Variants in ACADL observed in about 807,000 individuals in gnomAD.
The protein encoded by ACADL is long-chain specific acyl-CoA dehydrogenase, mitochondrial.
Under a neutral mutation model 56.9 loss-of-function variants are expected in ACADL, and 60 were observed. The observed-to-expected ratio is 1.05, with a 90% CI of 0.86 to 1.31. The LOEUF is 1.31. Among genes scored for constraint, ACADL ranks in the 50% most tolerant of loss-of-function variants. ACADL has a pLI of 0.00. For missense variants in ACADL, 484 were observed against 525.5 expected, an observed-to-expected ratio of 0.92 and a Z score of 0.77; for synonymous variants, 158 against 179.7, an observed-to-expected ratio of 0.88 and a Z score of 0.97.
At chr2:210,225,080 C>G in intron 1 of ACADL, 107 bp downstream of exon 1, 3 of 1,513,014 alleles carry the variant, frequency 2.0e-6, no homozygotes, top group Middle Eastern at 2.3e-4. Flanking sequence ...GGGAGCACTC[C>G]CAGCCGCGCG....
In ACADL at chr2:210,221,428, T is replaced by C. The variant is rs932299956; in HGVS notation, c.78-626A>G. The stretch of plus-strand genomic sequence containing the variant: ...TGAGACAGTTTTGTAGCTCCTTTAG[T>C]TCAGTGGTCTTCAGCCTTTTTTACC... On this transcript the variant is annotated intron_variant, in intron 1 of 10. Transcript: ENST00000233710. 1.3e-5 allele frequency among the ~76,000 whole-genome samples: 2 copies of C among 152,180 alleles called. 1 individual carries two copies. Among genetic ancestry groups the C allele is most frequent in the South Asian group, 4.1e-4 (2 of 4,832 alleles).
intron 8 of ACADL, among the ~76,000 whole-genome samples, chr2:210,199,247 T>C (rs1004658977): frequency 6.6e-6 from 1 of 152,140 alleles, no homozygotes; most frequent in African/African-American, 2.4e-5. Flanking sequence ...AATATATTTA[T>C]TTAGATAAAA....
At chr2:210,190,151 T>A (rs780337247) in intron 10 of ACADL, among the ~76,000 whole-genome samples, 12 of 152,162 alleles carry the variant, frequency 7.9e-5, no homozygotes, top group Non-Finnish European at 1.8e-4. Flanking sequence ...TTCTCCATAT[T>A]CATCAGGGTT....
At chr2:210,213,151 A>C (rs868476696) in intron 4 of ACADL, among the ~76,000 whole-genome samples, 4 of 152,334 alleles carry the variant, frequency 2.6e-5, no homozygotes, top group Non-Finnish European at 5.9e-5. Context: ...CATATTTTTC[A>C]TCATAAGTAT....
chr2:210,202,162 G>T (rs1484393741), intron 8 of ACADL, among the ~76,000 whole-genome samples: 3 of 152,050 alleles, frequency 2.0e-5, no homozygotes, highest in Non-Finnish European at 2.9e-5. Flanking sequence ...GTGCGATCTT[G>T]GCTCACTGCA....
Position 210,195,246 on chromosome 2 carries a change from A to T in ACADL, c.1077T>A (p.Arg359=). 1 of 1,613,840 alleles carries T rather than the reference A, an allele frequency of 6.2e-7. No individual in the cohort carries two copies. The highest frequency in any genetic ancestry group is 8.5e-7 in the Non-Finnish European group (1 of 1,179,890). Residue 359 remains arginine (R), a synonymous_variant, in exon 9 of 11, where the codon CGT becomes CGA. Coordinates refer to ENST00000233710, the MANE Select transcript of ACADL (RefSeq NM_001608.4). ...DNCLQLHEAK[R]LDSATACMAK... is the part of the protein sequence containing the mutation. The stretch of plus-strand genomic sequence containing the variant: ...CCATGCAAGCAGTGGCGGAGTCCAA[A>T]CGTTTCGCTTCATGCAGCTGGAGAC...
At chr2:210,218,834 C>A (rs1375529176) in intron 2 of ACADL, among the ~76,000 whole-genome samples, 1 of 152,136 alleles carries the variant, frequency 6.6e-6, no homozygotes, top group Non-Finnish European at 1.5e-5. Flanking sequence ...AAGTAGGGAA[C>A]CTCATTACAG....
intron 10 of ACADL, among the ~76,000 whole-genome samples, chr2:210,189,907 A>G (rs938505151): frequency 6.6e-6 from 1 of 152,206 alleles, no homozygotes; most frequent in African/African-American, 2.4e-5. Flanking sequence ...TGGAATGAGG[A>G]TGTAGGTATT....
At chr2:210,214,314 A>G (rs1689037407) in intron 4 of ACADL, among the ~76,000 whole-genome samples, 1 of 152,058 alleles carries the variant, frequency 6.6e-6, no homozygotes, top group Admixed American at 6.5e-5. Flanking sequence ...ATTTCATGCC[A>G]TAATTCCGTA....
chr2:210,212,150 A>T (rs1315645586), intron 4 of ACADL, among the ~76,000 whole-genome samples: 11 of 149,670 alleles, frequency 7.3e-5, no homozygotes, highest in East Asian at 3.9e-4. Context: ...TTTTTTTTTT[A>T]AATCACTCTC....
intron 5 of ACADL, among the ~76,000 whole-genome samples, chr2:210,206,185 C>T (rs1688885672): frequency 6.6e-6 from 1 of 151,946 alleles, no homozygotes. Flanking sequence ...CACCTGTAAC[C>T]CCAGCACTTT....
chr2:210,205,400 T>C (rs1688868295), intron 6 of ACADL, among the ~76,000 whole-genome samples: 1 of 152,184 alleles, frequency 6.6e-6, no homozygotes, highest in South Asian at 2.1e-4. Context: ...CAGTTAATTT[T>C]GCCATTTCTA....
At chr2:210,216,806 CTG>C (rs938009392) in intron 3 of ACADL, 3 of 302,114 alleles carry the variant, frequency 9.9e-6, no homozygotes, top group African/African-American at 6.5e-5. Context: ...GGAATAATAA[CTG>C]TATTCCTCTA....
rs781351346 is a variant in ACADL at position 210,195,169 on chromosome 2, G to T, written c.1112+42C>A. On this transcript the variant is annotated intron_variant, in intron 9 of 10. Transcript: ENST00000233710. The stretch of plus-strand genomic sequence containing the variant: ...TTAAAATTGGCAGAATTCCATATCA[G>T]TCTGAGCACACACCGCACTCTAATT... The T allele has an allele frequency of 5.4e-5, 87 of 1,612,852 alleles. 3 individuals carry two copies. The South Asian group carries it at 6.7e-4, about 12-fold the overall frequency.
Position 210,188,663 on chromosome 2 carries a change from A to T in ACADL, c.*298T>A, listed in dbSNP as rs1688584074. 1 of 282,652 alleles carries T rather than the reference A, an allele frequency of 3.5e-6. No individual in the cohort carries two copies. Among genetic ancestry groups the T allele is most frequent in the East Asian group, 8.2e-5 (1 of 12,254 alleles). 17.5% of individuals were successfully genotyped at this position (282,652 alleles called of 1,614,324 possible). On this transcript the variant is annotated 3_prime_UTR_variant, in exon 11 of 11. Transcript: ENST00000233710. ...CTGCCTTGGTTTGAAGATTTGAATG[A>T]TTTATGCTTTTTAGAATTTTAGAGA...
chr2:210,220,801 A>G lies in ACADL; in HGVS notation c.79T>C (p.Cys27Arg). The G allele has an allele frequency of 1.3e-6, 2 of 1,594,222 alleles. No homozygotes were observed. The highest frequency in any genetic ancestry group is 1.1e-5 in the South Asian group (1 of 89,542). Residue 27 changes from cysteine to arginine, a missense_variant and splice_region_variant, in exon 2 of 11, where the codon TGT (cysteine) becomes CGT (arginine). By Grantham distance (180) the Cys-to-Arg change is radical. Transcript: ENST00000233710. Reference sequence around the variant, plus strand: ...CGTTCTTCCCCTCCGGAATGAGAACATCTTAAAAATATATATATGCAATAG... The same window carrying G: ...CGTTCTTCCCCTCCGGAATGAGAACGTCTTAAAAATATATATATGCAATAG... ...RAPRQLPAARCSHSGGEERLE... is the reference protein window; with the variant it reads ...RAPRQLPAARRSHSGGEERLE...
chr2:210,223,988 G>A (rs941784679), intron 1 of ACADL, among the ~76,000 whole-genome samples: 1 of 152,046 alleles, frequency 6.6e-6, no homozygotes, highest in South Asian at 2.1e-4. Flanking sequence ...AGCACTTTGG[G>A]AGACCGAGGC....
chr2:210,202,151 G>A (rs1028162868), intron 8 of ACADL, among the ~76,000 whole-genome samples: 14 of 152,112 alleles, frequency 9.2e-5, no homozygotes, highest in Non-Finnish European at 1.6e-4. Context: ...GGAGTGCAGT[G>A]GTGCGATCTT....
intron 6 of ACADL, 129 bp downstream of exon 6, chr2:210,205,503 A>C: frequency 1.1e-6 from 1 of 879,254 alleles, no homozygotes; most frequent in Non-Finnish European, 1.8e-6. Context: ...TTACCACATC[A>C]GAAAAGCATA....
Sources: gnomAD v4.1 joint callset for allele counts (sites outside exome capture counted in the v4.1 genomes callset) on GRCh38, gnomAD v4.1.1 for gene constraint, MANE v1.5 for transcripts, NCBI Gene and HGNC (gene_info 2026-07-23, HGNC 2026-07-21) for gene names.